The following ENPP6 variants were observed in gnomAD, a reference collection of about 807,000 sequenced individuals.
ENPP6 encodes ectonucleotide pyrophosphatase/phosphodiesterase 6, also known as glycerophosphocholine cholinephosphodiesterase ENPP6.
In ENPP6, 32 loss-of-function variants were observed where a neutral mutation model predicts 42.0. That is an observed-to-expected ratio of 0.76 (90% confidence interval 0.58 to 1.02). The LOEUF (loss-of-function observed/expected upper bound fraction) is 1.02. Among genes scored for constraint, ENPP6 ranks in the 50% least tolerant of loss-of-function variants. The pLI is 0.00. For synonymous variants in ENPP6, 213 were observed against 216.0 expected (o/e 0.99, Z 0.12); for missense variants, 552 against 566.8 (o/e 0.97, Z 0.27).
At chr4:184,133,872 A>ATTTTTTTTTTTTT (rs33932621) in intron 2 of ENPP6, among the ~76,000 whole-genome samples, 1 of 145,868 alleles carries the variant, frequency 6.9e-6, no homozygotes, top group Non-Finnish European at 1.5e-5. Context: ...ATATTGATTG[A>ATTTTTTTTTTTTT]TTTTTTTTTT....
At chr4:184,101,304 TTGTGTGTGTGTGTGTGTGTG>T (rs56174532) in intron 6 of ENPP6, among the ~76,000 whole-genome samples, 6 of 137,098 alleles carry the variant, frequency 4.4e-5, no homozygotes, top group African/African-American at 8.2e-5. Context: ...GTGTGTGAGC[TTGTGTGTGTGTGTGTGTGTG>T]TGTGTGTGTG....
In ENPP6 at chr4:184,089,450, T is replaced by A. The variant is rs1735746401; in HGVS notation, c.*1727A>T. The A allele has an allele frequency of 7.1e-6, 1 of 141,740 alleles. No homozygotes were observed. 8.8% of individuals were successfully genotyped at this position (141,740 alleles called of 1,614,324 possible). A position where few individuals can be genotyped will look rare whatever the true frequency, so the allele number is the denominator to read the frequency against. On this transcript the variant is annotated 3_prime_UTR_variant, in exon 8 of 8. Transcript: ENST00000296741. Reference sequence around the variant, plus strand: ...AGTCTCACTTGCAGATGTACCTCAATTAGTGCAAACTTTTTTTTTCTTTCT... The same window carrying A: ...AGTCTCACTTGCAGATGTACCTCAAATAGTGCAAACTTTTTTTTTCTTTCT...
intron 1 of ENPP6, among the ~76,000 whole-genome samples, chr4:184,176,818 G>A (rs1027908320): frequency 3.9e-5 from 6 of 152,226 alleles, no homozygotes; most frequent in East Asian, 1.9e-4. Context: ...CCCTGAAGGC[G>A]CTCATACAGA....
chr4:184,115,811 G>A (rs1012560660), intron 5 of ENPP6, among the ~76,000 whole-genome samples: 3 of 152,148 alleles, frequency 2.0e-5, no homozygotes, highest in South Asian at 2.1e-4. Flanking sequence ...CTTGTTCCCC[G>A]ACAGAAACAG....
chr4:184,196,574 G>T (rs1332177566), intron 1 of ENPP6, among the ~76,000 whole-genome samples: 2 of 152,194 alleles, frequency 1.3e-5, no homozygotes, highest in Admixed American at 6.5e-5. Context: ...ATCCATCTCT[G>T]AAATGTTACA....
chr4:184,124,226 TTCTAGGCAGTAGGTGGG>T lies in ENPP6; in HGVS notation c.451_467del (p.Pro151IlefsTer2), dbSNP rs1168112303. On this transcript the variant is annotated frameshift_variant, in exon 3 of 8. Transcript: ENST00000296741. LOFTEE classifies it high-confidence loss of function. Reference sequence around the variant, plus strand: ...TGATATCCGTTGGGACATTTTTATATTCTAGGCAGTAGGTGGGTCTGACACCCAGAATCTCAACCTCA... The same window carrying T: ...TGATATCCGTTGGGACATTTTTATATTCTGACACCCAGAATCTCAACCTCA... The T allele has an allele frequency of 6.2e-7, 1 of 1,614,136 alleles. No homozygotes were observed. Among genetic ancestry groups the T allele is most frequent in the Non-Finnish European group, 8.5e-7 (1 of 1,179,998 alleles).
intron 2 of ENPP6, among the ~76,000 whole-genome samples, chr4:184,142,779 G>A (rs888351197): frequency 6.6e-6 from 1 of 152,208 alleles, no homozygotes; most frequent in African/African-American, 2.4e-5. Flanking sequence ...GGAGGCAGAT[G>A]GTGAAACTAC....
At chr4:184,113,426 C>T (rs1313699485) in intron 5 of ENPP6, among the ~76,000 whole-genome samples, 1 of 152,144 alleles carries the variant, frequency 6.6e-6, no homozygotes, top group Non-Finnish European at 1.5e-5. Context: ...GGGATTGGGT[C>T]TGAGAAGGAC....
At position 184,117,917 on chromosome 4, in the gene ENPP6, G is replaced by C. The variant is rs763747839; in HGVS notation, c.534-17C>G. 3.1e-6 allele frequency: 5 copies of C among 1,612,782 alleles called. No homozygotes were observed. The East Asian group carries it at 1.1e-4, about 36-fold the overall frequency. ...CGGCCACTCCTGGAGGGACAGAGGA[G>C]AGAGGCATAGGTGAGGGAGGCCCCC... On this transcript the variant is annotated splice_polypyrimidine_tract_variant and intron_variant, in intron 3 of 7. Transcript: ENST00000296741.
At chr4:184,140,328 A>C (rs62340123) in intron 2 of ENPP6, among the ~76,000 whole-genome samples, 95,855 of 149,498 alleles carry the variant, frequency 0.64, 30,890 homozygotes, top group South Asian at 0.67. Context: ...GGTAATTTAC[A>C]GATTCAATGC....
intron 1 of ENPP6, among the ~76,000 whole-genome samples, chr4:184,156,329 A>G (rs1489880569): frequency 2.6e-5 from 4 of 152,224 alleles, no homozygotes; most frequent in Non-Finnish European, 5.9e-5. Flanking sequence ...AAGTCGACTC[A>G]GACTCAAGCT....
intron 6 of ENPP6, among the ~76,000 whole-genome samples, chr4:184,102,296 T>A (rs76682461): frequency 0.055 from 8,408 of 151,902 alleles, 530 homozygotes; most frequent in African/African-American, 0.15. Flanking sequence ...GCGCTGGGAG[T>A]GAAGGTGCAG....
chr4:184,201,621 G>A (rs767508892), intron 1 of ENPP6, among the ~76,000 whole-genome samples: 4 of 152,200 alleles, frequency 2.6e-5, no homozygotes, highest in Non-Finnish European at 5.9e-5. Flanking sequence ...GGTCACCATG[G>A]AAGCCAAAAG....
At chr4:184,144,505 C>T (rs951622790) in intron 2 of ENPP6, among the ~76,000 whole-genome samples, 11 of 152,210 alleles carry the variant, frequency 7.2e-5, no homozygotes, top group African/African-American at 2.7e-4. Context: ...TGGAACGGAT[C>T]GGGGGCAGCC....
chr4:184,089,618 G>A lies in ENPP6; in HGVS notation c.*1559C>T, dbSNP rs1457161023. Reference sequence around the variant, plus strand: ...AGCCTCCCAAGTAGCTGAGACCACAGGCATGTGCCACCATGCCTGGCTAAT... The same window carrying A: ...AGCCTCCCAAGTAGCTGAGACCACAAGCATGTGCCACCATGCCTGGCTAAT... On this transcript the variant is annotated 3_prime_UTR_variant, in exon 8 of 8. Transcript: ENST00000296741. 1 of 152,164 alleles carries A rather than the reference G, an allele frequency of 6.6e-6. No homozygotes were observed. The highest frequency in any genetic ancestry group is 1.5e-5 in the Non-Finnish European group (1 of 68,114). The allele number at this position is 152,164 out of a possible 1,614,324, so 9.4% of individuals were successfully genotyped here. A position where few individuals can be genotyped will look rare whatever the true frequency, so the allele number is the denominator to read the frequency against.
chr4:184,166,082 G>A (rs1737343955), intron 1 of ENPP6, among the ~76,000 whole-genome samples: 2 of 151,876 alleles, frequency 1.3e-5, no homozygotes, highest in Admixed American at 1.3e-4. Context: ...AACCTCTGTT[G>A]GGAAATCCAT....
rs1274394874 is a variant in ENPP6, at chr4:184,140,361, C to A, written c.421+13193G>T. 3.3e-5 allele frequency among the ~76,000 whole-genome samples: 5 copies of A among 152,004 alleles called. 1 individual carries two copies. In the South Asian group the frequency reaches 6.2e-4, roughly 19 times the overall value. ...TGCCATCCCCATCAAGCTACCAATG[C>A]CTTTCTTCACATAATTGGAAAAAAC... On this transcript the variant is annotated intron_variant, in intron 2 of 7. Coordinates refer to ENST00000296741, the MANE Select transcript of ENPP6 (RefSeq NM_153343.4).
chr4:184,113,940 T>TTTCTTTCTTTCTTTCC (rs1560981941), intron 5 of ENPP6, among the ~76,000 whole-genome samples: 9 of 147,906 alleles, frequency 6.1e-5, no homozygotes, highest in African/African-American at 2.2e-4. Flanking sequence ...TCTTTCTTTC[T>TTTCTTTCTTTCTTTCC]TTCTTTCTTT....
At chr4:184,191,057 G>A (rs765947382) in intron 1 of ENPP6, among the ~76,000 whole-genome samples, 14 of 152,350 alleles carry the variant, frequency 9.2e-5, no homozygotes, top group African/African-American at 2.9e-4. Flanking sequence ...GTGTGCAGGC[G>A]TATGCCACGT....
Sources: allele counts gnomAD v4.1 joint callset (sites outside exome capture counted in the v4.1 genomes callset), GRCh38; gene constraint gnomAD v4.1.1; transcripts MANE v1.5; gene names NCBI Gene and HGNC (gene_info 2026-07-23, HGNC 2026-07-21).